Variants in RALGAPA2 observed in about 807,000 individuals in gnomAD.
The protein encoded by RALGAPA2 is ral GTPase-activating protein subunit alpha-2.
Under a neutral mutation model 230.4 loss-of-function variants are expected in RALGAPA2, and 139 were observed. The observed-to-expected ratio is 0.60, with a 90% confidence interval of 0.53 to 0.69. RALGAPA2 has a LOEUF of 0.69. Ranked by LOEUF, RALGAPA2 falls within the 30% of genes least tolerant of loss-of-function variation. The pLI, the probability that RALGAPA2 is intolerant of heterozygous loss-of-function variation, is 0.00. For missense variants in RALGAPA2, 2,163 were observed against 2,276.0 expected, an observed-to-expected ratio of 0.95 and a Z score of 1.01; for synonymous variants, 847 against 837.8, an observed-to-expected ratio of 1.01 and a Z score of -0.19.
chr20:20,683,874 C>T (rs921174966), intron 1 of RALGAPA2, among the ~76,000 whole-genome samples: 1 of 152,206 alleles, frequency 6.6e-6, no homozygotes, highest in Admixed American at 6.5e-5. Context: ...GGATTAATGA[C>T]TACGCCTCTA....
At chr20:20,522,928 C>G (rs1032402320) in intron 30 of RALGAPA2, among the ~76,000 whole-genome samples, 11 of 152,132 alleles carry the variant, frequency 7.2e-5, no homozygotes, top group African/African-American at 2.7e-4. Flanking sequence ...ACAAAAACAA[C>G]AGAAGTATCT....
At position 20,427,705 on chromosome 20, in the gene RALGAPA2, G is replaced by C. The variant is rs375235527; in HGVS notation, c.5496-15557C>G. Among the ~76,000 whole-genome samples the C allele has an allele frequency of 2.3e-3, 353 of 152,238 alleles. 3 individuals carry two copies. The highest frequency in any genetic ancestry group is 8.2e-3 in the African/African-American group (339 of 41,544). ...GCACTGTCATACCAGTGACCGCACA[G>C]GTTGCCAGTAACAGGAAAGCAATTT... On this transcript the variant is annotated intron_variant, in intron 37 of 39. Coordinates refer to ENST00000202677, the MANE Select transcript of RALGAPA2 (RefSeq NM_020343.4).
At chr20:20,407,273 C>T (rs1221521613) in intron 38 of RALGAPA2, among the ~76,000 whole-genome samples, 3 of 152,154 alleles carry the variant, frequency 2.0e-5, no homozygotes, top group South Asian at 4.1e-4. Flanking sequence ...TAATTAAAAC[C>T]GTATTAAGAC....
At chr20:20,600,427 G>C (rs541411638) in intron 16 of RALGAPA2, among the ~76,000 whole-genome samples, 1 of 152,342 alleles carries the variant, frequency 6.6e-6, no homozygotes, top group South Asian at 2.1e-4. Context: ...CTCCTCAGGG[G>C]AGAGAATGAC....
At chr20:20,556,417 G>T (rs1214726105) in intron 23 of RALGAPA2, among the ~76,000 whole-genome samples, 2 of 152,182 alleles carry the variant, frequency 1.3e-5, no homozygotes, top group Non-Finnish European at 2.9e-5. Flanking sequence ...AATTCCATAA[G>T]ATGAGGAAAA....
At chr20:20,461,196 T>A (rs938805267) in intron 37 of RALGAPA2, among the ~76,000 whole-genome samples, 1 of 152,226 alleles carries the variant, frequency 6.6e-6, no homozygotes, top group Non-Finnish European at 1.5e-5. Context: ...GTTTATCCTG[T>A]TAAAGAGGCA....
chr20:20,503,468 A>C lies in RALGAPA2; in HGVS notation c.5091T>G (p.Leu1697=), dbSNP rs1178767443. Residue 1697 remains leucine (L), a synonymous_variant, in exon 35 of 40, where the codon CTT becomes CTG. Coordinates refer to ENST00000202677, the MANE Select transcript of RALGAPA2 (RefSeq NM_020343.4). The stretch of plus-strand genomic sequence containing the variant: ...TCTGCCCGGTGCTGCCATTGCGCTG[A>C]AGGCCACCCATGAACCCACAGTGGG... The part of the protein sequence containing the change: ...LSTHCGFMGG[L]QRNGSTGQTA... 5.0e-6 allele frequency: 8 copies of C among 1,603,836 alleles called. No homozygotes were observed. Among genetic ancestry groups the C allele is most frequent in the African/African-American group, 1.3e-5 (1 of 74,220 alleles).
rs2064244934 is a variant in RALGAPA2, at chr20:20,561,124, TAGAGCTTGAA to T, written c.3156+10324_3156+10333del. Among the ~76,000 whole-genome samples the T allele has an allele frequency of 3.3e-5, 5 of 152,354 alleles. No homozygotes were observed. The South Asian group carries it at 1.0e-3, about 32-fold the overall frequency. ...TCAGACAGCCTTGGACTGAATACTTTAGAGCTTGAAAGGCTTACAAACACAGAACCTATCA... is the reference window on the plus strand; with the variant it reads ...TCAGACAGCCTTGGACTGAATACTTTAGGCTTACAAACACAGAACCTATCA... On this transcript the variant is annotated intron_variant, in intron 23 of 39. Transcript: ENST00000202677.
intron 23 of RALGAPA2, among the ~76,000 whole-genome samples, chr20:20,562,645 C>T (rs1385538926): frequency 2.6e-5 from 4 of 152,146 alleles, no homozygotes; most frequent in Non-Finnish European, 4.4e-5. Flanking sequence ...GGTAGATTTT[C>T]TTCTCTCTGG....
intron 37 of RALGAPA2, among the ~76,000 whole-genome samples, chr20:20,454,124 G>A (rs544064474): frequency 2.0e-5 from 3 of 152,146 alleles, no homozygotes; most frequent in Admixed American, 6.5e-5. Context: ...GGGGTTCTCC[G>A]AAGGTGTTAT....
At chr20:20,556,431 T>C (rs201007878) in intron 23 of RALGAPA2, among the ~76,000 whole-genome samples, 1 of 152,152 alleles carries the variant, frequency 6.6e-6, no homozygotes, top group East Asian at 1.9e-4. Flanking sequence ...AGGAAAACTA[T>C]TTGTAGGGTC....
At chr20:20,707,772 T>C (rs2069665631) in intron 1 of RALGAPA2, among the ~76,000 whole-genome samples, 1 of 152,066 alleles carries the variant, frequency 6.6e-6, no homozygotes, top group Admixed American at 6.6e-5. Context: ...GTCAGGCTAC[T>C]GTTCCACTCC....
At chr20:20,615,902 T>G in intron 13 of RALGAPA2, 141 bp downstream of exon 13, 1 of 598,368 alleles carries the variant, frequency 1.7e-6, no homozygotes, top group Non-Finnish European at 2.6e-6. Context: ...ACCTTCTTCA[T>G]AATTCACAGA....
rs762483656 is a variant in RALGAPA2, at chr20:20,629,401, G to C, written c.1195C>G (p.Arg399Gly). The C allele has an allele frequency of 1.2e-6, 2 of 1,612,136 alleles. No homozygotes were observed. The highest frequency in any genetic ancestry group is 1.7e-6 in the Non-Finnish European group (2 of 1,179,212). Residue 399 changes from arginine (R) to glycine (G), a missense_variant, in exon 10 of 40, where the codon CGA becomes GGA. Physicochemically the swap from Arg to Gly is moderately radical, Grantham distance 125 (BLOSUM62 -2). Coordinates refer to ENST00000202677, the MANE Select transcript of RALGAPA2 (RefSeq NM_020343.4). ...TCATTCACGAAGTTGACATAACCTC[G>C]TGTTGACAAGAGAATCCGCTGTACC... ...EMVQRILLST[R>G]GYVNFVNEVF...
chr20:20,677,415 G>A (rs1054338459), intron 2 of RALGAPA2, among the ~76,000 whole-genome samples: 5 of 152,044 alleles, frequency 3.3e-5, no homozygotes, highest in African/African-American at 9.7e-5. Flanking sequence ...ACTGAACAAT[G>A]CAAAGTCCGT....
chr20:20,463,141 T>A (rs558737809), intron 37 of RALGAPA2, among the ~76,000 whole-genome samples: 1 of 152,180 alleles, frequency 6.6e-6, no homozygotes, highest in Admixed American at 6.5e-5. Flanking sequence ...TTTTTTTTTT[T>A]TGTTAAAGAA....
At chr20:20,676,807 G>A (rs1288673198) in intron 2 of RALGAPA2, among the ~76,000 whole-genome samples, 3 of 152,088 alleles carry the variant, frequency 2.0e-5, no homozygotes, top group African/African-American at 4.8e-5. Context: ...AGTGCTTGGC[G>A]CATATCATTT....
chr20:20,538,264 G>T (rs926850315), intron 24 of RALGAPA2, among the ~76,000 whole-genome samples: 1 of 152,148 alleles, frequency 6.6e-6, no homozygotes, highest in Admixed American at 6.5e-5. Context: ...ATGGGATGAG[G>T]CAAGGATTGG....
chr20:20,533,831 T>C (rs1257191302), intron 26 of RALGAPA2, among the ~76,000 whole-genome samples: 1 of 152,068 alleles, frequency 6.6e-6, no homozygotes, highest in Non-Finnish European at 1.5e-5. Context: ...AAGATACCTA[T>C]AGAATTCAGA....
Sources: gnomAD v4.1 joint callset for allele counts (sites outside exome capture counted in the v4.1 genomes callset) on GRCh38, gnomAD v4.1.1 for gene constraint, MANE v1.5 for transcripts, NCBI Gene and HGNC (gene_info 2026-07-23, HGNC 2026-07-21) for gene names.